MACROD1: variants seen among roughly 807,000 people sequenced by gnomAD.
MACROD1 encodes the protein ADP-ribose glycohydrolase MACROD1.
Under a neutral mutation model 41.4 loss-of-function variants are expected in MACROD1, and 31 were observed. The observed-to-expected ratio is 0.75, with a 90% CI of 0.56 to 1.01. The LOEUF is 1.01. Among genes scored for constraint, MACROD1 ranks in the 50% least tolerant of loss-of-function variants. The pLI is 0.00. For synonymous variants in MACROD1, 252 were observed against 203.4 expected, an observed-to-expected ratio of 1.24 and a Z score of -2.03; for missense variants, 473 against 460.0, an observed-to-expected ratio of 1.03 and a Z score of -0.26.
At chr11:64,026,128 C>T (rs930644630) in intron 3 of MACROD1, among the ~76,000 whole-genome samples, 2 of 152,138 alleles carry the variant, frequency 1.3e-5, no homozygotes, top group Non-Finnish European at 1.5e-5. Flanking sequence ...TTGCAGTGAG[C>T]CGAGATTGTG....
intron 4 of MACROD1, 44 bp downstream of exon 4, chr11:64,015,208 G>T: frequency 6.4e-7 from 1 of 1,560,052 alleles, no homozygotes; most frequent in Non-Finnish European, 8.7e-7. Context: ...CCCAGCAGGG[G>T]AGATGCCACA....
At chr11:64,085,259 C>T (rs1438907761) in intron 3 of MACROD1, among the ~76,000 whole-genome samples, 1 of 152,174 alleles carries the variant, frequency 6.6e-6, no homozygotes. Flanking sequence ...TCCCTGGGCA[C>T]CACGGAGGTG....
intron 3 of MACROD1, among the ~76,000 whole-genome samples, chr11:64,024,788 T>C (rs370325976): frequency 6.6e-6 from 1 of 152,076 alleles, no homozygotes; most frequent in Non-Finnish European, 1.5e-5. Flanking sequence ...TCTGTGGGTC[T>C]TGAAGGCAGC....
At chr11:64,052,346 TA>T (rs1206055826) in intron 3 of MACROD1, among the ~76,000 whole-genome samples, 1 of 152,206 alleles carries the variant, frequency 6.6e-6, no homozygotes, top group African/African-American at 2.4e-5. Context: ...AAAGAGTTTT[TA>T]AAAATTTTTA....
intron 3 of MACROD1, among the ~76,000 whole-genome samples, chr11:64,150,943 C>T (rs548158738): frequency 1.1e-4 from 16 of 152,370 alleles, no homozygotes; most frequent in African/African-American, 2.4e-4. Flanking sequence ...CAGACCTCCC[C>T]GCTGTGGCCT....
intron 3 of MACROD1, among the ~76,000 whole-genome samples, chr11:64,068,348 G>C (rs79595243): frequency 0.05 from 7,672 of 152,252 alleles, 239 homozygotes; most frequent in South Asian, 0.13. Flanking sequence ...ATGCCTACCA[G>C]GCCCTGGCAG....
intron 3 of MACROD1, among the ~76,000 whole-genome samples, chr11:64,050,316 G>C (rs901841912): frequency 6.6e-6 from 1 of 152,168 alleles, no homozygotes; most frequent in South Asian, 2.1e-4. Context: ...CCCAGAGCTT[G>C]ACTGAGTTTA....
rs979234349 is a variant in MACROD1, at chr11:64,022,833, G to A, written c.518-7552C>T. Among the ~76,000 whole-genome samples the A allele has an allele frequency of 5.9e-5, 9 of 151,404 alleles. No individual in the cohort carries two copies. The East Asian group carries it at 1.7e-3, about 29-fold the overall frequency. ...GGAGGGTGAGGGCTCCCATTTATGGGCACCAAGTGCATCCCCAGCAAGCTT... is the reference window on the plus strand; with the variant it reads ...GGAGGGTGAGGGCTCCCATTTATGGACACCAAGTGCATCCCCAGCAAGCTT... On this transcript the variant is annotated intron_variant, in intron 3 of 10. Transcript: ENST00000255681.
chr11:64,047,150 A>G (rs894372404), intron 3 of MACROD1, among the ~76,000 whole-genome samples: 50 of 152,168 alleles, frequency 3.3e-4, no homozygotes, highest in Non-Finnish European at 6.0e-4. Context: ...AAGGCGGTGC[A>G]GGTGGCACTG....
intron 3 of MACROD1, among the ~76,000 whole-genome samples, chr11:64,097,028 A>G (rs1211876810): frequency 6.6e-6 from 1 of 152,106 alleles, no homozygotes; most frequent in African/African-American, 2.4e-5. Context: ...CTCCAGGCGG[A>G]TGAGAACTCT....
chr11:64,008,449 C>CTAAAGA, intron 4 of MACROD1, among the ~76,000 whole-genome samples: 1 of 80,146 alleles, frequency 1.2e-5, no homozygotes, highest in South Asian at 4.1e-4. Context: ...GTGTTGTCCA[C>CTAAAGA]CTGGCAGACC....
chr11:64,154,699 T>C (rs1418956863), intron 1 of MACROD1, among the ~76,000 whole-genome samples: 1 of 152,182 alleles, frequency 6.6e-6, no homozygotes, highest in African/African-American at 2.4e-5. Flanking sequence ...GGATATGGGA[T>C]AGTTTGCTTT....
intron 3 of MACROD1, among the ~76,000 whole-genome samples, chr11:64,106,201 G>A (rs12418845): frequency 0.042 from 6,324 of 152,252 alleles, 181 homozygotes; most frequent in Non-Finnish European, 0.066. Context: ...TGAGGCCTGG[G>A]TTTGTGGCCA....
At chr11:64,079,091 C>G (rs940060915) in intron 3 of MACROD1, among the ~76,000 whole-genome samples, 5 of 151,584 alleles carry the variant, frequency 3.3e-5, no homozygotes, top group African/African-American at 1.2e-4. Flanking sequence ...GCTGCTGTCT[C>G]CTGGCAAGAG....
chr11:64,106,944 C>T (rs912805306), intron 3 of MACROD1, among the ~76,000 whole-genome samples: 17 of 152,042 alleles, frequency 1.1e-4, no homozygotes, highest in Non-Finnish European at 2.1e-4. Flanking sequence ...TGCAGTGGCA[C>T]GATCTCTCGG....
intron 4 of MACROD1, among the ~76,000 whole-genome samples, chr11:64,005,715 A>T (rs1468890682): frequency 1.3e-5 from 2 of 152,240 alleles, no homozygotes; most frequent in African/African-American, 2.4e-5. Flanking sequence ...CATGGACTTC[A>T]CAGGCAGGGG....
Position 64,064,573 on chromosome 11 carries a change from G to A in MACROD1, c.518-49292C>T, listed in dbSNP as rs982970051. ...CTGAGTCCTGCCTGCTGGCTGACAC[G>A]GAGCTGGCTTTCTTCCCTGGCCCTG... On this transcript the variant is annotated intron_variant, in intron 3 of 10. Coordinates refer to ENST00000255681, the MANE Select transcript of MACROD1 (RefSeq NM_014067.4). This position sits in a 1 kb window ranked among gnomAD's most constrained non-coding sequence, Gnocchi z 4.5. Among the ~76,000 whole-genome samples, 3 of 151,940 alleles carry A rather than the reference G, an allele frequency of 2.0e-5. No homozygotes were observed. The highest frequency in any genetic ancestry group is 7.2e-5 in the African/African-American group (3 of 41,402).
intron 3 of MACROD1, among the ~76,000 whole-genome samples, chr11:64,074,577 C>T (rs1944167983): frequency 6.6e-6 from 1 of 152,204 alleles, no homozygotes; most frequent in African/African-American, 2.4e-5. Flanking sequence ...CCTCCATGTC[C>T]CCGCAGGCCC....
intron 2 of MACROD1, 97 bp downstream of exon 2, chr11:64,152,195 G>T: frequency 1.1e-6 from 1 of 930,104 alleles, no homozygotes; most frequent in Non-Finnish European, 1.8e-6. Flanking sequence ...GCAAGCACTC[G>T]ATACATGCCA....
Sources: allele counts gnomAD v4.1 joint callset (sites outside exome capture counted in the v4.1 genomes callset), GRCh38; gene constraint gnomAD v4.1.1; non-coding constraint Gnocchi (gnomAD v3.1); transcripts MANE v1.5; gene names NCBI Gene and HGNC (gene_info 2026-07-23, HGNC 2026-07-21).